MAF: variants seen among roughly 807,000 people sequenced by gnomAD.
MAF encodes the protein transcription factor Maf.
Under a neutral mutation model 22.0 loss-of-function variants are expected in MAF, and 10 were observed. The observed-to-expected ratio is 0.45, with a 90% CI of 0.28 to 0.77. MAF has a LOEUF of 0.77. Among genes scored for constraint, MAF ranks in the 30% least tolerant of loss-of-function variants. The pLI is 0.12. For missense variants in MAF, 544 were observed against 548.4 expected (o/e 0.99, Z 0.08); for synonymous variants, 337 against 255.8 (o/e 1.32, Z -3.03).
the MAF span, among the ~76,000 whole-genome samples, chr16:79,446,289 T>C: frequency 1.3e-5 from 2 of 152,144 alleles, no homozygotes; most frequent in African/African-American, 2.4e-5. Flanking sequence ...TACCACCAGT[T>C]ACCAATATGT....
At chr16:79,407,181 C>T in the MAF span, among the ~76,000 whole-genome samples, 1 of 152,130 alleles carries the variant, frequency 6.6e-6, no homozygotes, top group Non-Finnish European at 1.5e-5. Context: ...CCCTGGTACC[C>T]ATGAAGAAGA....
chr16:79,288,248 G>T, the MAF span, among the ~76,000 whole-genome samples: 16 of 152,170 alleles, frequency 1.1e-4, no homozygotes, highest in Admixed American at 5.9e-4. Context: ...CTTGAGCCTG[G>T]GCTGACCTGC....
At chr16:79,415,788 G>A in the MAF span, among the ~76,000 whole-genome samples, 1,257 of 151,976 alleles carry the variant, frequency 8.3e-3, 17 homozygotes, top group African/African-American at 0.028. Flanking sequence ...TTTGGGGCTA[G>A]TTATTAAAAA....
the MAF span, among the ~76,000 whole-genome samples, chr16:79,484,275 G>A: frequency 2.6e-5 from 4 of 152,296 alleles, no homozygotes; most frequent in South Asian, 4.1e-4. Context: ...TGGTGATGAC[G>A]AGGCTGGCGT....
chr16:79,228,199 C>A, the MAF span, among the ~76,000 whole-genome samples: 1 of 152,070 alleles, frequency 6.6e-6, no homozygotes, highest in African/African-American at 2.4e-5. Context: ...AGCCACCTTG[C>A]CCAGCCACAT....
At chr16:79,487,460 T>C in the MAF span, among the ~76,000 whole-genome samples, 2 of 152,268 alleles carry the variant, frequency 1.3e-5, no homozygotes, top group Non-Finnish European at 2.9e-5. Flanking sequence ...TATTGTATTA[T>C]TTAATCTCAA....
At chr16:79,523,256 T>C in the MAF span, among the ~76,000 whole-genome samples, 1 of 152,160 alleles carries the variant, frequency 6.6e-6, no homozygotes, top group Non-Finnish European at 1.5e-5. Flanking sequence ...TTCTCTACCA[T>C]AGCAAAGGAG....
the MAF span, among the ~76,000 whole-genome samples, chr16:79,220,454 TC>T: frequency 1.3e-5 from 2 of 152,078 alleles, no homozygotes; most frequent in Non-Finnish European, 2.9e-5. Flanking sequence ...GTGATTATAT[TC>T]CATATACACC....
At chr16:79,249,418 C>CAA in the MAF span, among the ~76,000 whole-genome samples, 4 of 102,452 alleles carry the variant, frequency 3.9e-5, no homozygotes, top group African/African-American at 7.8e-5. Context: ...AACTCCGTTT[C>CAA]AAAAAAAAAA....
chr16:79,598,471 A>AT, intron 1 of MAF: 4 of 1,300,088 alleles, frequency 3.1e-6, no homozygotes, highest in Non-Finnish European at 3.9e-6. Context: ...AAAAAAAAAA[A>AT]CAAGCTAGCA....
At chr16:79,411,055 G>A in the MAF span, among the ~76,000 whole-genome samples, 2 of 152,218 alleles carry the variant, frequency 1.3e-5, no homozygotes, top group Admixed American at 1.3e-4. Context: ...CCTGAGTACT[G>A]CCTTCTGCAG....
chr16:79,559,496 C>T, the MAF span, among the ~76,000 whole-genome samples: 1 of 152,288 alleles, frequency 6.6e-6, no homozygotes, highest in East Asian at 1.9e-4. Flanking sequence ...CTACCTGTTT[C>T]TCTGCCTTCC....
the MAF span, among the ~76,000 whole-genome samples, chr16:79,384,791 G>A: frequency 6.6e-6 from 1 of 152,064 alleles, no homozygotes; most frequent in Non-Finnish European, 1.5e-5. Flanking sequence ...TAAAAAAGGG[G>A]GAGCATGCTC....
the MAF span, among the ~76,000 whole-genome samples, chr16:79,351,745 G>A: frequency 1.3e-5 from 2 of 152,040 alleles, no homozygotes; most frequent in African/African-American, 4.8e-5. Flanking sequence ...GGCAGGAAGT[G>A]ACATCCCAGG....
chr16:79,204,641 G>C, the MAF span: 1 of 152,174 alleles, frequency 6.6e-6, no homozygotes, highest in African/African-American at 2.4e-5. Context: ...TGTCGACTTG[G>C]AAACACAGGC....
the MAF span, among the ~76,000 whole-genome samples, chr16:79,487,228 C>T: frequency 6.6e-6 from 1 of 150,382 alleles, no homozygotes; most frequent in African/African-American, 2.5e-5. Flanking sequence ...AAAAAATTCC[C>T]ATGTGACTCC....
At chr16:79,233,234 G>C in the MAF span, among the ~76,000 whole-genome samples, 1 of 151,994 alleles carries the variant, frequency 6.6e-6, no homozygotes, top group Non-Finnish European at 1.5e-5. Flanking sequence ...CACAGAATGG[G>C]TCATTTACTC....
chr16:79,594,182 G>C lies in MAF; in HGVS notation c.*278C>G, dbSNP rs1913359513. The C allele has an allele frequency of 1.2e-5, 5 of 431,722 alleles. No individual in the cohort carries two copies. The highest frequency in any genetic ancestry group is 2.1e-5 in the Non-Finnish European group (5 of 235,516). 26.7% of individuals were successfully genotyped at this position (431,722 alleles called of 1,614,324 possible). On this transcript the variant is annotated 3_prime_UTR_variant, in exon 2 of 2. Coordinates refer to ENST00000326043, the MANE Select transcript of MAF (RefSeq NM_005360.5). ...ATATATATGTATCTTTGTAATTTCA[G>C]TGAATTTTTAAAACTAGTATGGCAG...
chr16:79,389,930 C>T, the MAF span, among the ~76,000 whole-genome samples: 1 of 120,852 alleles, frequency 8.3e-6, no homozygotes, highest in Non-Finnish European at 1.6e-5. Flanking sequence ...GAGCTGAGAT[C>T]GTACCACTGC....
Sources: allele counts gnomAD v4.1 joint callset (sites outside exome capture counted in the v4.1 genomes callset), GRCh38; gene constraint gnomAD v4.1.1; transcripts MANE v1.5; gene names NCBI Gene and HGNC (gene_info 2026-07-23, HGNC 2026-07-21).